The following LRRC2 variants were observed in gnomAD, a reference collection of about 807,000 sequenced individuals.
The protein encoded by LRRC2 is leucine rich repeat containing 2.
A neutral mutation model predicts 40.2 loss-of-function variants in LRRC2; 27 were observed. The ratio of observed to expected loss-of-function variants is 0.67; its 90% confidence interval spans 0.49 to 0.93. LRRC2 has a LOEUF of 0.93. Among genes scored for constraint, LRRC2 ranks in the 40% least tolerant of loss-of-function variants. LRRC2 has a pLI of 0.00. For synonymous variants in LRRC2, 147 were observed against 158.9 expected, an observed-to-expected ratio of 0.92 and a Z score of 0.56; for missense variants, 402 against 439.6, an observed-to-expected ratio of 0.91 and a Z score of 0.76.
At chr3:46,556,430 T>C (rs1215417228) in intron 1 of LRRC2, among the ~76,000 whole-genome samples, 2 of 151,674 alleles carry the variant, frequency 1.3e-5, no homozygotes, top group African/African-American at 4.8e-5. Flanking sequence ...CCTGGAAAAA[T>C]TTTTTCGTCT....
rs1553612501 is a variant in LRRC2, at chr3:46,533,775, T to TTTTCTTTCTTTCTTTCTTTCTTTG, written c.491-890_491-867dup. The stretch of plus-strand genomic sequence containing the variant: ...TTCCTTCCCTCCCTCCCTCCCTCTC[T>TTTTCTTTCTTTCTTTCTTTCTTTG]TTTCTTTCTTTCTTTCTTTCTTTGT... On this transcript the variant is annotated intron_variant, in intron 4 of 8. Coordinates refer to ENST00000395905, the MANE Select transcript of LRRC2 (RefSeq NM_024512.5). Among the ~76,000 whole-genome samples, 495 of 92,982 alleles carry TTTTCTTTCTTTCTTTCTTTCTTTG rather than the reference T, an allele frequency of 5.3e-3. 4 individuals carry two copies. The highest frequency in any genetic ancestry group is 0.015 in the African/African-American group (471 of 30,610). The allele number at this position is 92,982 out of a possible 152,430, so 61.0% of individuals were successfully genotyped here.
intron 3 of LRRC2, among the ~76,000 whole-genome samples, chr3:46,541,242 A>G (rs1041747261): frequency 6.6e-6 from 1 of 151,590 alleles, no homozygotes. Flanking sequence ...CTGAGGCAGG[A>G]GAATGGTGTG....
intron 1 of LRRC2, among the ~76,000 whole-genome samples, chr3:46,565,359 T>A (rs1025008007): frequency 1.3e-5 from 2 of 152,068 alleles, no homozygotes; most frequent in Non-Finnish European, 2.9e-5. Flanking sequence ...GGCGAGAACA[T>A]CACATAGGAT....
intron 1 of LRRC2, among the ~76,000 whole-genome samples, chr3:46,555,181 C>T (rs2107047659): frequency 1.3e-5 from 2 of 152,122 alleles, no homozygotes; most frequent in Admixed American, 1.3e-4. Flanking sequence ...AAAATTTCTT[C>T]CATTTTGTGA....
At chr3:46,540,532 A>G (rs530514488) in intron 3 of LRRC2, among the ~76,000 whole-genome samples, 2 of 152,128 alleles carry the variant, frequency 1.3e-5, no homozygotes, top group South Asian at 4.2e-4. Context: ...CTCAAAAAAA[A>G]AAAAAAAAAT....
At chr3:46,558,855 G>A (rs1463818971) in intron 1 of LRRC2, 1 of 152,218 alleles carries the variant, frequency 6.6e-6, no homozygotes, top group Non-Finnish European at 1.5e-5. Context: ...TTCTCTGCAT[G>A]TCCCACTTTA....
Position 46,539,162 on chromosome 3 carries a change from C to A in LRRC2, c.373G>T (p.Glu125Ter). 6.2e-7 allele frequency: 1 copy of A among 1,613,968 alleles called. No individual in the cohort carries two copies. Among genetic ancestry groups the A allele is most frequent in the Non-Finnish European group, 8.5e-7 (1 of 1,179,930 alleles). ...DSLKEQTHLR[E>*]WYISNTLIQI... ...ATCAAGGTATTGCTTATGTACCATTCTCTCAGGTGTGTCTGCTCCTTCAAT... is the reference window on the plus strand; with the variant it reads ...ATCAAGGTATTGCTTATGTACCATTATCTCAGGTGTGTCTGCTCCTTCAAT... The change falls in exon 4 of 9, where the codon GAA (glutamate) becomes TAA (stop). Residue 125 changes from glutamate to a stop codon, truncating the protein, a stop_gained. Transcript: ENST00000395905. LOFTEE classifies it high-confidence loss of function.
intron 1 of LRRC2, among the ~76,000 whole-genome samples, chr3:46,553,782 C>A (rs1704720380): frequency 6.6e-6 from 1 of 152,210 alleles, no homozygotes; most frequent in Admixed American, 6.6e-5. Flanking sequence ...GCCATCATGC[C>A]TGGCCAAAAT....
chr3:46,522,338 G>GGATTT (rs1703977829), intron 7 of LRRC2, among the ~76,000 whole-genome samples: 1 of 151,406 alleles, frequency 6.6e-6, no homozygotes, highest in African/African-American at 2.4e-5. Context: ...TCCCGCCATG[G>GGATTT]CACTCTAGTC....
chr3:46,539,286 G>C, intron 3 of LRRC2, 85 bp from the exon 4 acceptor site: 1 of 1,349,262 alleles, frequency 7.4e-7, no homozygotes, highest in East Asian at 2.3e-5. Flanking sequence ...TTTTAAAACA[G>C]GAAGTGAGAA....
chr3:46,564,296 ACCACTTTACAGAGCCAT>A (rs780916592), intron 1 of LRRC2, among the ~76,000 whole-genome samples: 18 of 148,124 alleles, frequency 1.2e-4, no homozygotes, highest in South Asian at 4.4e-4. Context: ...TTATATCAGA[ACCACTTTACAGAGCCAT>A]CCACTTTACA....
At chr3:46,565,315 C>T (rs888826168) in intron 1 of LRRC2, among the ~76,000 whole-genome samples, 5 of 152,034 alleles carry the variant, frequency 3.3e-5, no homozygotes, top group Admixed American at 2.6e-4. Context: ...CTCATGTGGA[C>T]GTGATGGAGC....
chr3:46,562,788 G>A (rs1173816881), intron 1 of LRRC2, among the ~76,000 whole-genome samples: 1 of 151,500 alleles, frequency 6.6e-6, no homozygotes, highest in African/African-American at 2.4e-5. Context: ...GAGTGCAGTG[G>A]CACAATCTCA....
intron 7 of LRRC2, among the ~76,000 whole-genome samples, chr3:46,522,376 A>AAAGT (rs1703978585): frequency 7.4e-6 from 1 of 136,020 alleles, no homozygotes; most frequent in African/African-American, 2.8e-5. Context: ...CTCAATCTCA[A>AAAGT]AAATAAATAA....
chr3:46,538,088 C>T (rs1704305375), intron 4 of LRRC2, among the ~76,000 whole-genome samples: 1 of 152,162 alleles, frequency 6.6e-6, no homozygotes, highest in Non-Finnish European at 1.5e-5. Flanking sequence ...TTGACACAGC[C>T]AGCAAGACAT....
At position 46,521,625 on chromosome 3, in the gene LRRC2, A is replaced by G. The variant is rs1393152568; in HGVS notation, c.963T>C (p.Asn321=). ...TTTCATTGCCATCTTCACATTGGGCATTATCAATAGGATTGTCCATAAGGC... is the reference window on the plus strand; with the variant it reads ...TTTCATTGCCATCTTCACATTGGGCGTTATCAATAGGATTGTCCATAAGGC... ...FVSLMDNPID[N]AQCEDGNEIM... Residue 321 remains asparagine (N), a synonymous_variant, in exon 8 of 9, where the codon AAT becomes AAC. Coordinates refer to ENST00000395905, the MANE Select transcript of LRRC2 (RefSeq NM_024512.5). 6.2e-7 allele frequency: 1 copy of G among 1,612,922 alleles called. No homozygotes were observed. Among genetic ancestry groups the G allele is most frequent in the Non-Finnish European group, 8.5e-7 (1 of 1,179,816 alleles).
At chr3:46,532,947 G>A (rs781539583) in intron 4 of LRRC2, 38 bp from the exon 5 acceptor site, 20 of 1,596,456 alleles carry the variant, frequency 1.3e-5, no homozygotes, top group South Asian at 3.4e-5. Context: ...TGAATAGGTC[G>A]TTTAAGGTCT....
At chr3:46,540,191 G>A (rs1221118249) in intron 3 of LRRC2, among the ~76,000 whole-genome samples, 1 of 152,206 alleles carries the variant, frequency 6.6e-6, no homozygotes, top group East Asian at 1.9e-4. Flanking sequence ...TTGCAAAAGT[G>A]CTTTCACTCT....
chr3:46,543,560 G>C (rs968604626), intron 3 of LRRC2, among the ~76,000 whole-genome samples: 3 of 151,678 alleles, frequency 2.0e-5, no homozygotes, highest in Non-Finnish European at 1.5e-5. Flanking sequence ...AGCTTGCAGC[G>C]AGCTGAGATC....
Sources: gnomAD v4.1 joint callset for allele counts (sites outside exome capture counted in the v4.1 genomes callset) on GRCh38, gnomAD v4.1.1 for gene constraint, MANE v1.5 for transcripts, NCBI Gene and HGNC (gene_info 2026-07-23, HGNC 2026-07-21) for gene names.